Variants in TMEM52B observed in about 807,000 individuals in gnomAD.
TMEM52B encodes the protein chromosome 12 open reading frame 59.
Under a neutral mutation model 16.1 loss-of-function variants are expected in TMEM52B, and 11 were observed. The ratio of observed to expected loss-of-function variants is 0.68; its 90% CI spans 0.43 to 1.13. The LOEUF is 1.13. Ranked by LOEUF, TMEM52B falls within the 50% of genes most tolerant of loss-of-function variation. TMEM52B has a pLI of 0.00. For missense variants in TMEM52B, 243 were observed against 230.4 expected, an observed-to-expected ratio of 1.05 and a Z score of -0.35; for synonymous variants, 101 against 93.8, an observed-to-expected ratio of 1.08 and a Z score of -0.45.
intron 3 of TMEM52B, 35 bp from the exon 4 acceptor site, chr12:10,186,385 C>T (rs1948878935): frequency 1.3e-6 from 2 of 1,553,894 alleles, no homozygotes; most frequent in East Asian, 2.3e-5. Context: ...AAAGCCAGAT[C>T]CCAGAGCTCC....
chr12:10,177,930 C>T (rs1948780036), upstream of TMEM52B, among the ~76,000 whole-genome samples: 1 of 151,524 alleles, frequency 6.6e-6, no homozygotes, highest in Non-Finnish European at 1.5e-5. Context: ...GATTCTCGCT[C>T]TATCACCCAG....
chr12:10,189,852 C>T, intron 4 of TMEM52B, 44 bp from the exon 5 acceptor site: 6 of 1,604,344 alleles, frequency 3.7e-6, no homozygotes, highest in Non-Finnish European at 5.1e-6. Flanking sequence ...TGAGGGTGTC[C>T]TGTTTCCCTT....
Position 10,182,642 on chromosome 12 carries a change from C to G in TMEM52B, c.98+49C>G, listed in dbSNP as rs7957812. ...AGGAAGGAGCAACAGACCAAAACAT[C>G]ACTACCCCAAAAGAGAGTCAAGATG... On this transcript the variant is annotated intron_variant, in intron 2 of 4. Coordinates refer to ENST00000543484, the MANE Select transcript of TMEM52B (RefSeq NM_001384896.1). 6,740 of 1,514,622 alleles carry G rather than the reference C, an allele frequency of 4.4e-3. 213 individuals carry two copies. The African/African-American group carries it at 0.078, about 17-fold the overall frequency. The allele number at this position is 1,514,622 out of a possible 1,614,324, so 93.8% of individuals were successfully genotyped here.
intron 1 of TMEM52B, among the ~76,000 whole-genome samples, chr12:10,180,084 C>A (rs1052037106): frequency 6.6e-6 from 1 of 152,058 alleles, no homozygotes; most frequent in African/African-American, 2.4e-5. Flanking sequence ...ATATTTTGGG[C>A]CCCACAATGA....
intron 1 of TMEM52B, chr12:10,182,041 C>A (rs147314005): frequency 0.019 from 6,867 of 363,758 alleles, 156 homozygotes; most frequent in African/African-American, 0.067. Context: ...AAAAAAAAAA[C>A]AAAAAAAAAA....
intron 4 of TMEM52B, among the ~76,000 whole-genome samples, chr12:10,189,252 G>A (rs1172129492): frequency 1.3e-5 from 2 of 151,196 alleles, no homozygotes; most frequent in African/African-American, 2.4e-5. Context: ...ATAATCCTAA[G>A]GAGTCTATAG....
intron 2 of TMEM52B, among the ~76,000 whole-genome samples, chr12:10,184,322 C>T (rs1454108070): frequency 2.0e-5 from 3 of 152,192 alleles, no homozygotes; most frequent in African/African-American, 7.2e-5. Flanking sequence ...GTTCTGTGAG[C>T]TGCTCTAACA....
At chr12:10,182,437 T>C (rs1948835215) in intron 1 of TMEM52B, 113 bp from the exon 2 acceptor site, 1 of 1,423,248 alleles carries the variant, frequency 7.0e-7, no homozygotes, top group Admixed American at 2.5e-5. Context: ...CCTATGACCG[T>C]GACCTTCTTA....
chr12:10,189,903 G>T lies in TMEM52B; in HGVS notation c.315G>T (p.Gln105His). 1 of 1,613,800 alleles carries T rather than the reference G, an allele frequency of 6.2e-7. No individual in the cohort carries two copies. The highest frequency in any genetic ancestry group is 8.5e-7 in the Non-Finnish European group (1 of 1,180,034). ...STLQSTITSLQSVFGPAARRI... is the reference protein window; with the variant it reads ...STLQSTITSLHSVFGPAARRI... ...TTCCTTCTTTCTTCACAGCTCTGCAGTCGGTGTTTGGCCCTGCAGCTCGGA... is the reference window on the plus strand; with the variant it reads ...TTCCTTCTTTCTTCACAGCTCTGCATTCGGTGTTTGGCCCTGCAGCTCGGA... Residue 105 changes from glutamine to histidine, a missense_variant, in exon 5 of 5, where the codon CAG (glutamine) becomes CAT (histidine). Gln to His is a conservative substitution (Grantham distance 24). Transcript: ENST00000543484.
intron 2 of TMEM52B, among the ~76,000 whole-genome samples, chr12:10,183,922 A>C (rs1948851614): frequency 6.6e-6 from 1 of 152,154 alleles, no homozygotes; most frequent in African/African-American, 2.4e-5. Context: ...AAGTAGCATC[A>C]TTTTGCATGC....
At chr12:10,189,599 GGCAACAAGA>G (rs1375925499) in intron 4 of TMEM52B, among the ~76,000 whole-genome samples, 1 of 139,526 alleles carries the variant, frequency 7.2e-6, no homozygotes, top group Non-Finnish European at 1.6e-5. Context: ...CTCCAGCCTG[GGCAACAAGA>G]GCAAAACTCC....
At chr12:10,182,339 G>A in intron 1 of TMEM52B, 1 of 985,348 alleles carries the variant, frequency 1.0e-6, no homozygotes, top group Non-Finnish European at 1.2e-6. Context: ...CAACAGATGA[G>A]ATATTTGTTC....
At chr12:10,179,790 A>T (rs1948801696) in intron 1 of TMEM52B, among the ~76,000 whole-genome samples, 162 bp downstream of exon 1, 1 of 152,216 alleles carries the variant, frequency 6.6e-6, no homozygotes, top group Non-Finnish European at 1.5e-5. Flanking sequence ...GTATTACGAG[A>T]TTGCATAGAT....
At chr12:10,182,087 T>C in intron 1 of TMEM52B, 1 of 982,872 alleles carries the variant, frequency 1.0e-6, no homozygotes, top group Non-Finnish European at 1.2e-6. Flanking sequence ...CTAGTAGCTA[T>C]TCGATAAATA....
intron 1 of TMEM52B, chr12:10,182,105 C>T: frequency 1.0e-6 from 1 of 983,914 alleles, no homozygotes; most frequent in Non-Finnish European, 1.2e-6. Context: ...ATAAGACTCT[C>T]TGTCCCACTG....
At chr12:10,177,380 C>T (rs750845301), upstream of TMEM52B, among the ~76,000 whole-genome samples, 8 of 152,118 alleles carry the variant, frequency 5.3e-5, no homozygotes, top group Non-Finnish European at 8.8e-5. Flanking sequence ...AGTTTATATC[C>T]TGCATTCTCA....
intron 4 of TMEM52B, among the ~76,000 whole-genome samples, chr12:10,188,874 C>G (rs111848403): frequency 0.32 from 48,659 of 151,186 alleles, 7,955 homozygotes; most frequent in Non-Finnish European, 0.36. Flanking sequence ...AAAATTAGCT[C>G]GGCGTGGTGG....
chr12:10,171,388 A>G (rs1423567429), intron 1 of TMEM52B, among the ~76,000 whole-genome samples: 1 of 152,234 alleles, frequency 6.6e-6, no homozygotes, highest in Non-Finnish European at 1.5e-5. Flanking sequence ...CAATTTAATT[A>G]CTGTATGGGT....
At chr12:10,184,259 C>A (rs1416642230) in intron 2 of TMEM52B, among the ~76,000 whole-genome samples, 1 of 152,180 alleles carries the variant, frequency 6.6e-6, no homozygotes, top group Non-Finnish European at 1.5e-5. Flanking sequence ...TCATCCGCAT[C>A]CTCGGTAATA....
Sources: allele counts gnomAD v4.1 joint callset (sites outside exome capture counted in the v4.1 genomes callset), GRCh38; gene constraint gnomAD v4.1.1; transcripts MANE v1.5; gene names NCBI Gene and HGNC (gene_info 2026-07-23, HGNC 2026-07-21).